Variants in CRYBB3 observed in about 807,000 individuals in gnomAD.
CRYBB3 encodes the protein beta-crystallin B3.
In CRYBB3, 35 loss-of-function variants were observed where a neutral mutation model predicts 28.3. The ratio of observed to expected loss-of-function variants is 1.24; its 90% CI spans 0.95 to 1.64. CRYBB3 has a LOEUF of 1.64. Among genes scored for constraint, CRYBB3 ranks in the 40% most tolerant of loss-of-function variants. The pLI is 0.00. For synonymous variants in CRYBB3, 106 were observed against 110.4 expected, an observed-to-expected ratio of 0.96 and a Z score of 0.25; for missense variants, 296 against 297.4, an observed-to-expected ratio of 1.00 and a Z score of 0.04.
intron 5 of CRYBB3, among the ~76,000 whole-genome samples, chr22:25,205,955 C>T (rs1047620099): frequency 4.6e-5 from 7 of 152,258 alleles, no homozygotes; most frequent in Admixed American, 2.6e-4. Flanking sequence ...AACTCTTGTT[C>T]TTCTTAACAA....
At chr22:25,201,809 G>T (rs1483341356) in intron 2 of CRYBB3, among the ~76,000 whole-genome samples, 1 of 152,178 alleles carries the variant, frequency 6.6e-6, no homozygotes, top group African/African-American at 2.4e-5. Flanking sequence ...GGGGAAAAGG[G>T]CACAGGGTTT....
chr22:25,203,706 T>C (rs1934984197), intron 3 of CRYBB3, 57 bp from the exon 4 acceptor site: 1 of 1,610,478 alleles, frequency 6.2e-7, no homozygotes. Context: ...CTCACTAAAC[T>C]TGAATCCTTC....
intron 3 of CRYBB3, among the ~76,000 whole-genome samples, chr22:25,203,529 C>T (rs1029134624): frequency 1.3e-5 from 2 of 152,188 alleles, no homozygotes; most frequent in African/African-American, 4.8e-5. Flanking sequence ...GGGTACCTTG[C>T]ACAGAGGCTA....
In CRYBB3 at chr22:25,207,216, G is replaced by A. The variant is rs1223044526; in HGVS notation, c.*4G>A. 4 of 1,611,372 alleles carry A rather than the reference G, an allele frequency of 2.5e-6. No homozygotes were observed. Among genetic ancestry groups the A allele is most frequent in the Non-Finnish European group, 3.4e-6 (4 of 1,179,144 alleles). On this transcript the variant is annotated 3_prime_UTR_variant, in exon 6 of 6. Transcript: ENST00000215855. ...GGGCCGCTTCCCCAGCAGCTGAAAG[G>A]CACCCAGACTTCAAGGACCCAGACC...
intron 4 of CRYBB3, among the ~76,000 whole-genome samples, chr22:25,204,974 A>G (rs1935005646): frequency 6.6e-6 from 1 of 152,162 alleles, no homozygotes; most frequent in South Asian, 2.1e-4. Flanking sequence ...AGATCTGGAA[A>G]TTCCTTTTCA....
In CRYBB3 at chr22:25,207,356, G is replaced by T; in HGVS notation, c.*144G>T. 2 of 713,968 alleles carry T rather than the reference G, an allele frequency of 2.8e-6. No homozygotes were observed. The highest frequency in any genetic ancestry group is 2.8e-5 in the Admixed American group (1 of 35,658). The allele number at this position is 713,968 out of a possible 1,614,324, so 44.2% of individuals were successfully genotyped here. A position where few individuals can be genotyped will look rare whatever the true frequency, so the allele number is the denominator to read the frequency against. On this transcript the variant is annotated 3_prime_UTR_variant, in exon 6 of 6. Transcript: ENST00000215855. ...AAAGCCTGGGGTTGGTCCCCCACCC[G>T]CCACGTTCCTCGGCATCACTTCCTG...
At chr22:25,205,621 G>A (rs934179778) in intron 5 of CRYBB3, among the ~76,000 whole-genome samples, 87 of 152,152 alleles carry the variant, frequency 5.7e-4, no homozygotes, top group African/African-American at 2.0e-3. Flanking sequence ...GACCACGCCC[G>A]GCTAAGTTTT....
At chr22:25,203,961 C>T in intron 4 of CRYBB3, 66 bp downstream of exon 4, 1 of 1,599,242 alleles carries the variant, frequency 6.3e-7, no homozygotes, top group South Asian at 1.1e-5. Context: ...GCTGGTCAGG[C>T]AGCTCATTGC....
rs562297552 is a variant in CRYBB3, at chr22:25,201,331, G to T, written c.-20-46G>T. On this transcript the variant is annotated intron_variant, in intron 1 of 5. Transcript: ENST00000215855. ...TGGACTCCAGTCACATCAACACCTG[G>T]CTTCTCCCGGGTGGATCCAGTGAAC... The T allele has an allele frequency of 6.9e-6, 11 of 1,604,932 alleles. No individual in the cohort carries two copies. The African/African-American group carries it at 1.3e-4, about 19-fold the overall frequency.
At chr22:25,201,275 C>G in intron 1 of CRYBB3, 102 bp from the exon 2 acceptor site, 1 of 1,578,672 alleles carries the variant, frequency 6.3e-7, no homozygotes. Flanking sequence ...ACAGCCACGC[C>G]CCATGGGCAG....
intron 2 of CRYBB3, among the ~76,000 whole-genome samples, chr22:25,202,249 G>A (rs561416285): frequency 1.3e-5 from 2 of 152,268 alleles, no homozygotes; most frequent in East Asian, 3.9e-4. Flanking sequence ...CTTGGGGCAG[G>A]CAGAGGTCTT....
At chr22:25,206,207 G>C in intron 5 of CRYBB3, among the ~76,000 whole-genome samples, 1 of 151,430 alleles carries the variant, frequency 6.6e-6, no homozygotes, top group Non-Finnish European at 1.5e-5. Context: ...ACTATATGCT[G>C]GTGTGCTGAT....
intron 2 of CRYBB3, 130 bp downstream of exon 2, chr22:25,201,601 C>A: frequency 7.0e-7 from 1 of 1,434,854 alleles, no homozygotes; most frequent in South Asian, 1.4e-5. Context: ...ACAAAACGCT[C>A]CGGGTGGGTC....
chr22:25,202,764 G>C lies in CRYBB3; in HGVS notation c.166G>C (p.Val56Leu), dbSNP rs748596890. 5 of 1,614,086 alleles carry C rather than the reference G, an allele frequency of 3.1e-6. 1 individual carries two copies. The South Asian group carries it at 5.5e-5, about 18-fold the overall frequency. The change falls in exon 3 of 6, where the codon GTG (valine) becomes CTG (leucine). Residue 56 changes from valine to leucine, a missense_variant. Val to Leu is a conservative substitution (Grantham distance 32). Transcript: ENST00000215855. ...CCTGACCGACAGCCTGCTGGAGAAG[G>C]TGGGCTCCATCCAAGTGGAGTCCGG... ...PSLTDSLLEK[V>L]GSIQVESGPW...
chr22:25,202,171 G>A (rs552713302), intron 2 of CRYBB3, among the ~76,000 whole-genome samples: 10 of 152,308 alleles, frequency 6.6e-5, no homozygotes, highest in African/African-American at 2.4e-4. Flanking sequence ...TACAAAGTCA[G>A]TTTGTGTTTC....
Position 25,207,123 on chromosome 22 carries a change from G to T in CRYBB3, c.547G>T (p.Glu183Ter), listed in dbSNP as rs147328317. Residue 183 changes from glutamate to a stop codon, truncating the protein, a stop_gained, in exon 6 of 6, where the codon GAG becomes TAG. Coordinates refer to ENST00000215855, the MANE Select transcript of CRYBB3 (RefSeq NM_004076.5). LOFTEE classifies it high-confidence loss of function. ...FERGEYRHWN[E>*]WDASQPQLQS... ...GCGGGGCGAGTACCGCCACTGGAAT[G>T]AGTGGGACGCCAGCCAGCCGCAGCT... 6.6e-4 allele frequency: 1,062 copies of T among 1,613,658 alleles called. 7 individuals carry two copies. Among genetic ancestry groups the T allele is most frequent in the African/African-American group, 2.9e-3 (216 of 75,056 alleles).
At chr22:25,203,329 T>C (rs1569008267) in intron 3 of CRYBB3, among the ~76,000 whole-genome samples, 1 of 152,196 alleles carries the variant, frequency 6.6e-6, no homozygotes, top group Admixed American at 6.5e-5. Context: ...GCCTCTGTTT[T>C]CTCATCTGTT....
At chr22:25,204,899 T>C (rs1209002341) in intron 4 of CRYBB3, among the ~76,000 whole-genome samples, 1 of 152,214 alleles carries the variant, frequency 6.6e-6, no homozygotes, top group Non-Finnish European at 1.5e-5. Flanking sequence ...ATGTTGATAC[T>C]TTTGATCTCT....
intron 1 of CRYBB3, among the ~76,000 whole-genome samples, chr22:25,200,325 T>G (rs909461252): frequency 1.3e-5 from 2 of 152,064 alleles, no homozygotes; most frequent in African/African-American, 4.8e-5. Flanking sequence ...GCTGTGCAGC[T>G]GTGCATGCTG....
Sources: allele counts gnomAD v4.1 joint callset (sites outside exome capture counted in the v4.1 genomes callset), GRCh38; gene constraint gnomAD v4.1.1; transcripts MANE v1.5; gene names NCBI Gene and HGNC (gene_info 2026-07-23, HGNC 2026-07-21).